Variants in SLC39A11 observed in about 807,000 individuals in gnomAD.
The protein encoded by SLC39A11 is solute carrier family 39 member 11, also known as zinc transporter ZIP11.
A neutral mutation model predicts 36.1 loss-of-function variants in SLC39A11; 33 were observed. The observed-to-expected ratio is 0.91, with a 90% confidence interval of 0.69 to 1.22. SLC39A11 has a LOEUF of 1.22. Among genes scored for constraint, SLC39A11 ranks in the 50% most tolerant of loss-of-function variants. SLC39A11 has a pLI of 0.00. For missense variants in SLC39A11, 432 were observed against 430.3 expected (o/e 1.00, Z -0.03); for synonymous variants, 166 against 170.3 (o/e 0.97, Z 0.20).
At chr17:72,708,123 T>C (rs1185424747) in intron 7 of SLC39A11, among the ~76,000 whole-genome samples, 2 of 152,196 alleles carry the variant, frequency 1.3e-5, no homozygotes, top group Non-Finnish European at 2.9e-5. Flanking sequence ...CCCCAGCAAT[T>C]CTCATGTGTG....
intron 7 of SLC39A11, among the ~76,000 whole-genome samples, chr17:72,723,410 A>C (rs182586862): frequency 1.3e-5 from 2 of 151,976 alleles, no homozygotes; most frequent in East Asian, 3.9e-4. Flanking sequence ...CTTCAAAGGA[A>C]AACCATCTTT....
chr17:72,661,918 C>T lies in SLC39A11; in HGVS notation c.672-12650G>A, dbSNP rs114525944. On this transcript the variant is annotated intron_variant, in intron 7 of 9. Coordinates refer to ENST00000255559, the MANE Select transcript of SLC39A11 (RefSeq NM_139177.4). The stretch of plus-strand genomic sequence containing the variant: ...TCAGGCCACCACTGTGCACTTCTCC[C>T]TGCAGAAGTGTAGACAAACCGCCCA... 4.5e-3 allele frequency among the ~76,000 whole-genome samples: 682 copies of T among 152,280 alleles called. 10 individuals carry two copies. Among genetic ancestry groups the T allele is most frequent in the African/African-American group, 0.015 (637 of 41,548 alleles).
chr17:72,919,258 GATA>G (rs941372943), intron 5 of SLC39A11, among the ~76,000 whole-genome samples: 2 of 151,366 alleles, frequency 1.3e-5, no homozygotes, highest in African/African-American at 4.9e-5. Context: ...CACTCTTGCT[GATA>G]ATAATAATAA....
In SLC39A11 at chr17:72,857,998, T is replaced by C. The variant is rs112577005; in HGVS notation, c.431-8194A>G. ...AGTTTAATTAGATCCCATATGTCAA[T>C]TTTCACTTTTGTTGCAATTGCTTTT... On this transcript the variant is annotated intron_variant, in intron 5 of 9. Transcript: ENST00000255559. Among the ~76,000 whole-genome samples the C allele has an allele frequency of 4.4e-3, 668 of 152,352 alleles. 3 individuals carry two copies. The highest frequency in any genetic ancestry group is 0.015 in the African/African-American group (633 of 41,586).
chr17:73,004,158 GGAAAAAAAGAAAGAAAGAAA>G (rs2089997714), intron 4 of SLC39A11, among the ~76,000 whole-genome samples: 3 of 74,894 alleles, frequency 4.0e-5, no homozygotes, highest in African/African-American at 2.4e-4. Flanking sequence ...AAAGAAAGAA[GGAAAAAAAGAAAGAAAGAAA>G]GAAAGAAAGA....
chr17:72,861,733 T>C (rs1181402708), intron 5 of SLC39A11, among the ~76,000 whole-genome samples: 7 of 97,792 alleles, frequency 7.2e-5, no homozygotes, highest in Non-Finnish European at 1.2e-4. Context: ...TATACACACA[T>C]TGGAGATTAT....
At chr17:72,918,263 G>A (rs2083444756) in intron 5 of SLC39A11, among the ~76,000 whole-genome samples, 1 of 152,182 alleles carries the variant, frequency 6.6e-6, no homozygotes, top group South Asian at 2.1e-4. Flanking sequence ...ATAAAAATTA[G>A]CCAGGAGTGG....
At chr17:72,772,129 A>G (rs2567535) in intron 6 of SLC39A11, among the ~76,000 whole-genome samples, 82,592 of 151,940 alleles carry the variant, frequency 0.54, 23,262 homozygotes, top group Non-Finnish European at 0.63. Flanking sequence ...ACAACAGGAG[A>G]GGCTGGCCCA....
intron 5 of SLC39A11, among the ~76,000 whole-genome samples, chr17:72,898,785 CTCTTT>C (rs1353916178): frequency 1.3e-5 from 2 of 152,246 alleles, no homozygotes; most frequent in Non-Finnish European, 2.9e-5. Context: ...CACCCTGGTT[CTCTTT>C]TCTTTTCTGC....
chr17:72,758,133 G>A (rs530900371), intron 6 of SLC39A11, among the ~76,000 whole-genome samples: 5 of 152,034 alleles, frequency 3.3e-5, no homozygotes, highest in African/African-American at 4.8e-5. Context: ...TGATCCACTC[G>A]CCTCCGCCTC....
chr17:72,707,684 T>G lies in SLC39A11; in HGVS notation c.671+28966A>C, dbSNP rs147115469. ...GATCATTCCCTCTGGCACCCCTACA[T>G]CCACATGGGTACACATCCTTGTTCT... On this transcript the variant is annotated intron_variant, in intron 7 of 9. Coordinates refer to ENST00000255559, the MANE Select transcript of SLC39A11 (RefSeq NM_139177.4). Among the ~76,000 whole-genome samples the G allele has an allele frequency of 2.6e-3, 403 of 152,288 alleles. 4 individuals are homozygous for G. Among genetic ancestry groups the G allele is most frequent in the African/African-American group, 9.5e-3 (394 of 41,564 alleles).
intron 6 of SLC39A11, among the ~76,000 whole-genome samples, chr17:72,750,718 C>T (rs577623849): frequency 9.2e-5 from 14 of 151,882 alleles, no homozygotes; most frequent in Admixed American, 2.0e-4. Flanking sequence ...CATCATACCA[C>T]AACGTATGTA....
chr17:72,827,251 C>T (rs1389904253), intron 6 of SLC39A11, among the ~76,000 whole-genome samples: 4 of 152,128 alleles, frequency 2.6e-5, no homozygotes, highest in African/African-American at 9.7e-5. Flanking sequence ...AGGCCACATA[C>T]TATATGATTT....
rs34391476 is a variant in SLC39A11 at position 72,783,124 on chromosome 17, AGAT to A, written c.602-46408_602-46406del. 3.0e-3 allele frequency among the ~76,000 whole-genome samples: 260 copies of A among 86,146 alleles called. 3 individuals are homozygous for A. Among genetic ancestry groups the A allele is most frequent in the Middle Eastern group, 0.015 (2 of 130 alleles). The allele number at this position is 86,146 out of a possible 152,430, so 56.5% of individuals were successfully genotyped here. ...AGAAAGCAGATTCTCACCAGAAAGC[AGAT>A]GATTCTCACCAGAAAGCAGATTCTC... On this transcript the variant is annotated intron_variant, in intron 6 of 9. Coordinates refer to ENST00000255559, the MANE Select transcript of SLC39A11 (RefSeq NM_139177.4).
chr17:72,686,201 T>C (rs571716103), intron 7 of SLC39A11, among the ~76,000 whole-genome samples: 77 of 152,288 alleles, frequency 5.1e-4, no homozygotes, highest in African/African-American at 1.7e-3. Flanking sequence ...CTGCAAACAG[T>C]ATCTCTATCT....
intron 7 of SLC39A11, among the ~76,000 whole-genome samples, chr17:72,677,628 C>T (rs938477697): frequency 1.3e-5 from 2 of 152,048 alleles, no homozygotes; most frequent in African/African-American, 2.4e-5. Context: ...TTCTCAAACC[C>T]GAGTGTGCAT....
chr17:72,947,726 C>A (rs371956364), intron 5 of SLC39A11, 26 bp downstream of exon 5: 3 of 1,613,188 alleles, frequency 1.9e-6, no homozygotes, highest in Non-Finnish European at 2.5e-6. Flanking sequence ...CAGCAAAGAG[C>A]TTGCCTGAAA....
Position 72,947,405 on chromosome 17 carries a change from C to T in SLC39A11, c.430+347G>A, listed in dbSNP as rs542069346. On this transcript the variant is annotated intron_variant, in intron 5 of 9. Transcript: ENST00000255559. Reference sequence around the variant, plus strand: ...ATGAAAAGGAGTATTCAGGGTTCATCAGAGAGGGGGACACTGAGGGACAAA... The same window carrying T: ...ATGAAAAGGAGTATTCAGGGTTCATTAGAGAGGGGGACACTGAGGGACAAA... The T allele has an allele frequency of 3.7e-4, 107 of 289,672 alleles. No individual in the cohort carries two copies. The South Asian group carries it at 6.7e-3, about 18-fold the overall frequency. 17.9% of individuals were successfully genotyped at this position (289,672 alleles called of 1,614,324 possible). A position where few individuals can be genotyped will look rare whatever the true frequency, so the allele number is the denominator to read the frequency against.
chr17:72,967,708 AGCTGGAGCAAT>A, intron 4 of SLC39A11, among the ~76,000 whole-genome samples: 1 of 152,304 alleles, frequency 6.6e-6, no homozygotes, highest in South Asian at 2.1e-4. Flanking sequence ...ATGTATCTTC[AGCTGGAGCAAT>A]GCACAAAGCA....
Sources: allele counts gnomAD v4.1 joint callset (sites outside exome capture counted in the v4.1 genomes callset), GRCh38; gene constraint gnomAD v4.1.1; transcripts MANE v1.5; gene names NCBI Gene and HGNC (gene_info 2026-07-23, HGNC 2026-07-21).